The following MYEF2 variants were observed in gnomAD, a reference collection of about 807,000 sequenced individuals.
MYEF2 encodes myelin expression factor 2.
MYEF2 carries 37 observed loss-of-function variants against 75.2 expected under a neutral mutation model. That is an observed-to-expected ratio of 0.49 (90% CI 0.38 to 0.65). The LOEUF is 0.65. MYEF2 is among the 30% of genes least tolerant of loss of function. The pLI, the probability that MYEF2 is intolerant of heterozygous loss-of-function variation, is 0.00. For synonymous variants in MYEF2, 195 were observed against 241.6 expected (o/e 0.81, Z 1.79); for missense variants, 634 against 771.4 (o/e 0.82, Z 2.11).
intron 6 of MYEF2, 146 bp from the exon 7 acceptor site, chr15:48,159,068 A>C: frequency 1.4e-6 from 1 of 699,960 alleles, no homozygotes. Context: ...ATTTTAAAAC[A>C]TCTTCAGTTG....
chr15:48,142,489 A>C lies in MYEF2; in HGVS notation c.*419T>G. 1 of 617,998 alleles carries C rather than the reference A, an allele frequency of 1.6e-6. No homozygotes were observed. The highest frequency in any genetic ancestry group is 2.5e-6 in the Non-Finnish European group (1 of 395,338). The allele number at this position is 617,998 out of a possible 1,614,324, so 38.3% of individuals were successfully genotyped here. ...TTACAGTAATTTAAAACCAACCAAA[A>C]TCACATCCTAATTTTTCTGAGCCCT... is the stretch of plus-strand genomic sequence containing the variant. On this transcript the variant is annotated 3_prime_UTR_variant, in exon 17 of 17. Transcript: ENST00000324324.
rs757820700 is a variant in MYEF2 at position 48,159,612 on chromosome 15, C to A, written c.717+1G>T. The A allele has an allele frequency of 6.2e-7, 1 of 1,609,110 alleles. No individual in the cohort carries two copies. Among genetic ancestry groups the A allele is most frequent in the South Asian group, 1.1e-5 (1 of 89,770 alleles). Reference sequence around the variant, plus strand: ...AATTTTAGACTAAAGCTTGAACTTACATTGGCAACAAAAATTGTGGAACCA... The same window carrying A: ...AATTTTAGACTAAAGCTTGAACTTAAATTGGCAACAAAAATTGTGGAACCA... On this transcript the variant is annotated splice_donor_variant, in intron 6 of 16. Transcript: ENST00000324324. LOFTEE classifies it high-confidence loss of function.
chr15:48,170,421 C>T (rs1442200005), intron 1 of MYEF2, among the ~76,000 whole-genome samples: 17 of 152,070 alleles, frequency 1.1e-4, no homozygotes, highest in South Asian at 6.2e-4. Context: ...CCACCGTGCC[C>T]GGCCAATAGA....
chr15:48,137,220 A>G lies in MYEF2; in HGVS notation c.*5688T>C. On this transcript the variant is annotated 3_prime_UTR_variant, in exon 17 of 17. Coordinates refer to ENST00000324324, the MANE Select transcript of MYEF2 (RefSeq NM_016132.5). The stretch of plus-strand genomic sequence containing the variant: ...TGGTTCACAAATGGGACAGATTGCC[A>G]AAATGTGGTGAGGACAGATAGGAGA... The G allele has an allele frequency of 2.6e-6, 1 of 391,548 alleles. No individual in the cohort carries two copies. Among genetic ancestry groups the G allele is most frequent in the Non-Finnish European group, 4.6e-6 (1 of 219,568 alleles). The allele number at this position is 391,548 out of a possible 1,614,324, so 24.3% of individuals were successfully genotyped here. A position where few individuals can be genotyped will look rare whatever the true frequency, so the allele number is the denominator to read the frequency against.
chr15:48,176,999 C>T (rs530763249), intron 1 of MYEF2, among the ~76,000 whole-genome samples: 1 of 152,290 alleles, frequency 6.6e-6, no homozygotes, highest in South Asian at 2.1e-4. Context: ...ACAGACTGGT[C>T]CAGTTCTTAC....
Position 48,136,694 on chromosome 15 carries a change from C to T in MYEF2, c.*6214G>A, listed in dbSNP as rs1425346246. ...TTTCTCTTTTGTAGGTATGAAGGGGCTTTACTGCTTTTGATATATGGATTG... is the reference window on the plus strand; with the variant it reads ...TTTCTCTTTTGTAGGTATGAAGGGGTTTTACTGCTTTTGATATATGGATTG... On this transcript the variant is annotated 3_prime_UTR_variant, in exon 17 of 17. Transcript: ENST00000324324. 3.1e-6 allele frequency: 5 copies of T among 1,606,428 alleles called. No homozygotes were observed. Among genetic ancestry groups the T allele is most frequent in the Non-Finnish European group, 4.3e-6 (5 of 1,175,930 alleles).
At chr15:48,177,971 G>A (rs945723371) in intron 1 of MYEF2, 106 bp downstream of exon 1, 5 of 1,417,154 alleles carry the variant, frequency 3.5e-6, no homozygotes, top group Non-Finnish European at 4.7e-6. Context: ...GGGCGGGCCG[G>A]GGTCTGGGGG....
chr15:48,158,686 A>C (rs2039805474), intron 7 of MYEF2, 83 bp downstream of exon 7: 1 of 1,534,518 alleles, frequency 6.5e-7, no homozygotes, highest in Non-Finnish European at 8.9e-7. Flanking sequence ...GGCAACCTTA[A>C]ATTCAATTAC....
At chr15:48,159,933 T>C in intron 5 of MYEF2, 129 bp from the exon 6 acceptor site, 3 of 910,942 alleles carry the variant, frequency 3.3e-6, no homozygotes, top group Non-Finnish European at 4.8e-6. Flanking sequence ...AAGAGTGAGC[T>C]TTTTTCTCAT....
chr15:48,137,687 G>A lies in MYEF2; in HGVS notation c.*5221C>T, dbSNP rs1312847693. 9 of 152,000 alleles carry A rather than the reference G, an allele frequency of 5.9e-5. No homozygotes were observed. Among genetic ancestry groups the A allele is most frequent in the African/African-American group, 2.2e-4 (9 of 41,408 alleles). 9.4% of individuals were successfully genotyped at this position (152,000 alleles called of 1,614,324 possible). A position where few individuals can be genotyped will look rare whatever the true frequency, so the allele number is the denominator to read the frequency against. ...AAGGAAGCATCACCAAGACTATATG[G>A]GGCCAGAAAAAGGAACAAAGACACC... On this transcript the variant is annotated 3_prime_UTR_variant, in exon 17 of 17. Coordinates refer to ENST00000324324, the MANE Select transcript of MYEF2 (RefSeq NM_016132.5).
rs751738556 is a variant in MYEF2 at position 48,136,693 on chromosome 15, G to A, written c.*6215C>T. The A allele has an allele frequency of 1.4e-5, 22 of 1,606,334 alleles. No individual in the cohort carries two copies. In the African/African-American group the frequency reaches 2.5e-4, roughly 19 times the overall value. On this transcript the variant is annotated 3_prime_UTR_variant, in exon 17 of 17. Coordinates refer to ENST00000324324, the MANE Select transcript of MYEF2 (RefSeq NM_016132.5). Reference sequence around the variant, plus strand: ...ATTTCTCTTTTGTAGGTATGAAGGGGCTTTACTGCTTTTGATATATGGATT... The same window carrying A: ...ATTTCTCTTTTGTAGGTATGAAGGGACTTTACTGCTTTTGATATATGGATT...
chr15:48,141,080 A>C lies in MYEF2; in HGVS notation c.*1828T>G, dbSNP rs541222086. ...GCAAAGGATGGTTAGTGAATCTTTA[A>C]GATTTGTAACTTGAAATATCTGTTT... is the stretch of plus-strand genomic sequence containing the variant. On this transcript the variant is annotated 3_prime_UTR_variant, in exon 17 of 17. Transcript: ENST00000324324. 9 of 1,541,326 alleles carry C rather than the reference A, an allele frequency of 5.8e-6. No individual in the cohort carries two copies. The East Asian group carries it at 1.8e-4, about 31-fold the overall frequency.
chr15:48,153,936 G>T, intron 9 of MYEF2, 43 bp from the exon 10 acceptor site: 2 of 1,523,130 alleles, frequency 1.3e-6, no homozygotes, highest in South Asian at 1.2e-5. Flanking sequence ...ATCCATATAT[G>T]ATTAACTAAT....
In MYEF2 at chr15:48,134,739, A is replaced by G; in HGVS notation, c.*8169T>C. 1.3e-6 allele frequency: 1 copy of G among 758,862 alleles called. No homozygotes were observed. Among genetic ancestry groups the G allele is most frequent in the Non-Finnish European group, 2.1e-6 (1 of 477,722 alleles). The allele number at this position is 758,862 out of a possible 1,614,324, so 47.0% of individuals were successfully genotyped here. ...TTTATGAAAGTCTGTGTAAGTTAGA[A>G]CACAATTTTACATTTTTTTCTCTAA... On this transcript the variant is annotated 3_prime_UTR_variant, in exon 17 of 17. Coordinates refer to ENST00000324324, the MANE Select transcript of MYEF2 (RefSeq NM_016132.5).
intron 16 of MYEF2, among the ~76,000 whole-genome samples, chr15:48,143,976 A>G (rs1483665561): frequency 6.6e-6 from 1 of 152,046 alleles, no homozygotes; most frequent in African/African-American, 2.4e-5. Context: ...ACTGGAATAC[A>G]TGGTCACTCA....
intron 8 of MYEF2, 56 bp downstream of exon 8, chr15:48,158,119 A>G (rs2039775311): frequency 1.6e-5 from 26 of 1,611,136 alleles, no homozygotes; most frequent in Non-Finnish European, 2.2e-5. Flanking sequence ...AATGTAGAAG[A>G]GAGCCAATAA....
At chr15:48,158,690 C>T (rs1344622666) in intron 7 of MYEF2, 79 bp downstream of exon 7, 2 of 1,547,556 alleles carry the variant, frequency 1.3e-6, no homozygotes, top group Non-Finnish European at 8.8e-7. Context: ...ACCTTAAATT[C>T]AATTACCCCC....
At chr15:48,161,201 A>T (rs919819315) in intron 5 of MYEF2, among the ~76,000 whole-genome samples, 9 of 152,086 alleles carry the variant, frequency 5.9e-5, no homozygotes, top group Non-Finnish European at 1.0e-4. Context: ...AAAACAAACC[A>T]CCTACTATAT....
At chr15:48,169,436 G>A (rs995756268) in intron 1 of MYEF2, among the ~76,000 whole-genome samples, 2 of 151,996 alleles carry the variant, frequency 1.3e-5, no homozygotes, top group Non-Finnish European at 2.9e-5. Flanking sequence ...GATCAACACA[G>A]AAAACTTATA....
Sources: gnomAD v4.1 joint callset for allele counts (sites outside exome capture counted in the v4.1 genomes callset) on GRCh38, gnomAD v4.1.1 for gene constraint, MANE v1.5 for transcripts, NCBI Gene and HGNC (gene_info 2026-07-23, HGNC 2026-07-21) for gene names.